Variants in WDR72 observed in about 807,000 individuals in gnomAD.
WDR72 encodes the protein WD repeat-containing protein 72.
WDR72 carries 120 observed loss-of-function variants against 124.2 expected under a neutral mutation model. That is an observed-to-expected ratio of 0.97 (90% CI 0.83 to 1.12). The LOEUF (loss-of-function observed/expected upper bound fraction) is 1.12, where lower values mean the gene tolerates loss of function less well. WDR72 is among the 50% of genes most tolerant of loss of function. The probability of loss-of-function intolerance (pLI) is 0.00; values close to 1 mark genes in which losing one functional copy is unlikely to be tolerated. For synonymous variants in WDR72, 452 were observed against 441.7 expected (o/e 1.02, Z -0.29); for missense variants, 1,387 against 1,278.8 (o/e 1.08, Z -1.29).
chr15:53,578,400 C>G (rs571297733), intron 18 of WDR72, among the ~76,000 whole-genome samples: 27 of 152,270 alleles, frequency 1.8e-4, no homozygotes, highest in Middle Eastern at 6.8e-3. Context: ...CAGGAGGCTG[C>G]AGACTCTCCA....
In WDR72 at chr15:53,615,425, C is replaced by A; in HGVS notation, c.2780+1G>T. ...AGTCAAAATCTCTAGGTATGTCTTA[C>A]CTGCCAACTCTACATGCCAATTCTA... On this transcript the variant is annotated splice_donor_variant, in intron 15 of 19. Transcript: ENST00000360509. LOFTEE classifies it high-confidence loss of function. The A allele has an allele frequency of 6.2e-7, 1 of 1,606,384 alleles. No homozygotes were observed.
intron 3 of WDR72, among the ~76,000 whole-genome samples, chr15:53,717,290 A>G (rs1252899464): frequency 6.6e-6 from 1 of 152,214 alleles, no homozygotes; most frequent in East Asian, 1.9e-4. Context: ...TACACCCAGC[A>G]TAGGGTAGTT....
intron 18 of WDR72, among the ~76,000 whole-genome samples, chr15:53,552,711 TAGA>T (rs1893785893): frequency 6.6e-6 from 1 of 152,128 alleles, no homozygotes; most frequent in African/African-American, 2.4e-5. Flanking sequence ...CTGTATCATA[TAGA>T]AGAATAGAAG....
intron 14 of WDR72, among the ~76,000 whole-genome samples, chr15:53,639,569 TAA>T (rs1248383017): frequency 6.8e-6 from 1 of 147,664 alleles, no homozygotes; most frequent in Admixed American, 6.8e-5. Context: ...AAATTATATA[TAA>T]TGTTATAAAT....
chr15:53,604,857 G>A (rs2013205955), intron 17 of WDR72, among the ~76,000 whole-genome samples: 1 of 152,170 alleles, frequency 6.6e-6, no homozygotes, highest in Admixed American at 6.5e-5. Flanking sequence ...TGGAGAGACT[G>A]TGGAGAAAAG....
At chr15:53,756,096 G>A (rs189086647) in intron 1 of WDR72, among the ~76,000 whole-genome samples, 84 of 152,242 alleles carry the variant, frequency 5.5e-4, no homozygotes, top group African/African-American at 1.9e-3. Flanking sequence ...ATATGGTTTG[G>A]CTTCATCCCC....
intron 14 of WDR72, among the ~76,000 whole-genome samples, chr15:53,617,814 C>A (rs1056625685): frequency 6.6e-6 from 1 of 151,828 alleles, no homozygotes; most frequent in African/African-American, 2.4e-5. Flanking sequence ...GTAATTCCAT[C>A]CCCGTTATTT....
At chr15:53,566,435 C>T (rs530552282) in intron 18 of WDR72, among the ~76,000 whole-genome samples, 43 of 151,950 alleles carry the variant, frequency 2.8e-4, no homozygotes, top group Non-Finnish European at 5.4e-4. Flanking sequence ...CATTATCCGT[C>T]GAGACTGGGA....
At chr15:53,744,364 T>C (rs138768136) in intron 1 of WDR72, among the ~76,000 whole-genome samples, 15 of 152,316 alleles carry the variant, frequency 9.8e-5, no homozygotes, top group Admixed American at 9.8e-4. Context: ...AAACCATTAT[T>C]GAGCTCACAA....
chr15:53,610,091 C>G (rs878954963), intron 16 of WDR72, among the ~76,000 whole-genome samples: 1 of 152,028 alleles, frequency 6.6e-6, no homozygotes, highest in Non-Finnish European at 1.5e-5. Context: ...CCTTACCCAG[C>G]TATACCACTT....
chr15:53,640,513 A>G (rs1035119512), intron 14 of WDR72, among the ~76,000 whole-genome samples: 5 of 152,176 alleles, frequency 3.3e-5, no homozygotes, highest in East Asian at 1.9e-4. Flanking sequence ...GCATTTTTCC[A>G]TTCTTTTTCT....
At chr15:53,595,050 G>A (rs1179757089) in intron 18 of WDR72, among the ~76,000 whole-genome samples, 5 of 151,676 alleles carry the variant, frequency 3.3e-5, no homozygotes, top group African/African-American at 1.2e-4. Flanking sequence ...AATAATATAC[G>A]CCCAGCATTT....
intron 13 of WDR72, among the ~76,000 whole-genome samples, chr15:53,668,935 G>GAGGAGA (rs1450568358): frequency 2.3e-5 from 1 of 43,252 alleles, no homozygotes. Context: ...GAAGGAGGAG[G>GAGGAGA]AGGAGGAGGA....
intron 16 of WDR72, among the ~76,000 whole-genome samples, chr15:53,610,796 T>C (rs1403926584): frequency 6.6e-6 from 1 of 152,064 alleles, no homozygotes; most frequent in East Asian, 1.9e-4. Flanking sequence ...AATTTTGACA[T>C]GTTTTCCATT....
intron 18 of WDR72, among the ~76,000 whole-genome samples, chr15:53,547,817 G>C (rs1238575127): frequency 6.6e-6 from 1 of 152,162 alleles, no homozygotes; most frequent in Non-Finnish European, 1.5e-5. Flanking sequence ...TCTGGTGGTA[G>C]GCGCTTCAAG....
intron 13 of WDR72, among the ~76,000 whole-genome samples, chr15:53,678,110 A>C (rs1032974990): frequency 2.6e-5 from 4 of 152,214 alleles, no homozygotes; most frequent in Non-Finnish European, 4.4e-5. Flanking sequence ...TTTGGTTGGC[A>C]ATACAGAGAA....
chr15:53,609,625 G>C, intron 16 of WDR72, 33 bp from the exon 17 acceptor site: 1 of 1,569,836 alleles, frequency 6.4e-7, no homozygotes, highest in South Asian at 1.1e-5. Context: ...TGTATCTTTA[G>C]AGTATTAAAA....
At position 53,710,929 on chromosome 15, in the gene WDR72, AG is replaced by A. The variant is rs1567042347; in HGVS notation, c.881del (p.Pro294LeufsTer36). On this transcript the variant is annotated frameshift_variant, in exon 9 of 20. Transcript: ENST00000360509. LOFTEE classifies it high-confidence loss of function. ...LNSGLSKSIY[P>X]ADGRVLKETI... ...TCTCTTTAAGCACTCTTCCATCAGC[AG>A]GGTATATGCTTTTTGAAAGCCCACT... 6.2e-7 allele frequency: 1 copy of A among 1,613,796 alleles called. No homozygotes were observed. The highest frequency in any genetic ancestry group is 8.5e-7 in the Non-Finnish European group (1 of 1,179,880).
chr15:53,681,680 A>C (rs28680778), intron 13 of WDR72, among the ~76,000 whole-genome samples: 1,961 of 152,336 alleles, frequency 0.013, 42 homozygotes, highest in African/African-American at 0.046. Flanking sequence ...ATTTATTTTT[A>C]TCATTAGAAT....
Sources: allele counts gnomAD v4.1 joint callset (sites outside exome capture counted in the v4.1 genomes callset), GRCh38; gene constraint gnomAD v4.1.1; transcripts MANE v1.5; gene names NCBI Gene and HGNC (gene_info 2026-07-23, HGNC 2026-07-21).